Variants in GRM7 observed in about 807,000 individuals in gnomAD.
GRM7 encodes glutamate metabotropic receptor 7.
GRM7 carries 35 observed loss-of-function variants against 84.5 expected under a neutral mutation model. That is an observed-to-expected ratio of 0.41 (90% confidence interval 0.32 to 0.55). GRM7 has a LOEUF of 0.55. Among genes scored for constraint, GRM7 ranks in the 20% least tolerant of loss-of-function variants. GRM7 has a pLI of 0.19. For synonymous variants in GRM7, 487 were observed against 455.1 expected (o/e 1.07, Z -0.89); for missense variants, 1,003 against 1,194.6 (o/e 0.84, Z 2.36).
intron 4 of GRM7, among the ~76,000 whole-genome samples, chr3:7,399,526 G>T (rs186480921): frequency 6.6e-6 from 1 of 152,234 alleles, no homozygotes; most frequent in East Asian, 1.9e-4. Flanking sequence ...TGGGGATAAG[G>T]TAGTACTGCT....
chr3:7,409,663 G>T (rs1291283179), intron 4 of GRM7, among the ~76,000 whole-genome samples: 1 of 151,998 alleles, frequency 6.6e-6, no homozygotes, highest in African/African-American at 2.4e-5. Context: ...TACAGTGGCG[G>T]GATCTTGGCT....
chr3:6,962,555 T>C (rs992183527), intron 1 of GRM7, among the ~76,000 whole-genome samples: 2 of 152,182 alleles, frequency 1.3e-5, no homozygotes, highest in African/African-American at 2.4e-5. Context: ...AGGACAATAA[T>C]GATATGAAAA....
At chr3:7,687,255 C>A (rs1201047280) in intron 9 of GRM7, among the ~76,000 whole-genome samples, 1 of 152,150 alleles carries the variant, frequency 6.6e-6, no homozygotes, top group Non-Finnish European at 1.5e-5. Context: ...GATGTGTGAA[C>A]TGGCCACATG....
intron 2 of GRM7, among the ~76,000 whole-genome samples, chr3:7,293,834 TTACAA>T (rs1236754716): frequency 6.6e-6 from 1 of 152,180 alleles, no homozygotes; most frequent in Non-Finnish European, 1.5e-5. Flanking sequence ...AGTCATCTAC[TTACAA>T]TATAAGTGAA....
intron 7 of GRM7, among the ~76,000 whole-genome samples, chr3:7,557,127 T>C (rs1319362571): frequency 4.6e-5 from 7 of 152,146 alleles, no homozygotes; most frequent in African/African-American, 1.7e-4. Flanking sequence ...TGAAATCTAG[T>C]GGATGTGTGT....
At chr3:7,314,910 C>T (rs913747699) in intron 4 of GRM7, among the ~76,000 whole-genome samples, 15 of 152,110 alleles carry the variant, frequency 9.9e-5, no homozygotes, top group East Asian at 5.8e-4. Flanking sequence ...TTCCACTTTC[C>T]CCTTAGTATA....
chr3:6,892,443 T>A (rs1695998253), intron 1 of GRM7, among the ~76,000 whole-genome samples: 1 of 152,188 alleles, frequency 6.6e-6, no homozygotes, highest in African/African-American at 2.4e-5. Flanking sequence ...TGAAACTTAA[T>A]CAATAACCTT....
chr3:7,389,789 T>A (rs983204790), intron 4 of GRM7, among the ~76,000 whole-genome samples: 82 of 152,134 alleles, frequency 5.4e-4, no homozygotes, highest in African/African-American at 1.8e-3. Flanking sequence ...ATCTTGTTTT[T>A]TTTTTAATCC....
chr3:7,618,658 T>C (rs1252244238), intron 8 of GRM7, among the ~76,000 whole-genome samples: 1 of 152,148 alleles, frequency 6.6e-6, no homozygotes, highest in Non-Finnish European at 1.5e-5. Flanking sequence ...AAGTCTCTTT[T>C]CACTGTAACC....
chr3:7,236,031 G>T (rs1697336587), intron 2 of GRM7, among the ~76,000 whole-genome samples: 1 of 152,156 alleles, frequency 6.6e-6, no homozygotes, highest in Non-Finnish European at 1.5e-5. Context: ...GGTGGGAGTT[G>T]CTATCTGCTT....
chr3:6,909,696 C>CA (rs201193565), intron 1 of GRM7, among the ~76,000 whole-genome samples: 4,002 of 152,108 alleles, frequency 0.026, 77 homozygotes, highest in Non-Finnish European at 0.037. Context: ...GTAATTACCC[C>CA]AGTCTATCAT....
intron 4 of GRM7, among the ~76,000 whole-genome samples, chr3:7,401,424 A>G (rs1183644392): frequency 6.6e-6 from 1 of 152,140 alleles, no homozygotes; most frequent in Non-Finnish European, 1.5e-5. Flanking sequence ...TAATGTTGCC[A>G]TATGGCTTGA....
intron 5 of GRM7, among the ~76,000 whole-genome samples, chr3:7,441,094 C>G (rs1697267384): frequency 6.6e-6 from 1 of 152,178 alleles, no homozygotes; most frequent in African/African-American, 2.4e-5. Flanking sequence ...AGTGGCTGAA[C>G]TAGTTTACAT....
At chr3:7,074,973 A>G (rs1698011903) in intron 1 of GRM7, among the ~76,000 whole-genome samples, 1 of 152,210 alleles carries the variant, frequency 6.6e-6, no homozygotes, top group South Asian at 2.1e-4. Flanking sequence ...ATCTCACTTC[A>G]GTGATCATTT....
At chr3:7,268,490 T>A (rs1343867766) in intron 2 of GRM7, among the ~76,000 whole-genome samples, 1 of 152,070 alleles carries the variant, frequency 6.6e-6, no homozygotes, top group Non-Finnish European at 1.5e-5. Context: ...TCAGGAATAT[T>A]GAAATAAACT....
In GRM7 at chr3:7,397,262, C is replaced by G. The variant is rs374558592; in HGVS notation, c.1034-17761C>G. Among the ~76,000 whole-genome samples the G allele has an allele frequency of 6.6e-5, 10 of 152,142 alleles. No homozygotes were observed. The East Asian group carries it at 1.2e-3, about 18-fold the overall frequency. Reference sequence around the variant, plus strand: ...CAGACATCTTAATACTCATACACAACTTAAGGAACAGTGTGTCATACAATT... The same window carrying G: ...CAGACATCTTAATACTCATACACAAGTTAAGGAACAGTGTGTCATACAATT... On this transcript the variant is annotated intron_variant, in intron 4 of 9. Transcript: ENST00000357716.
chr3:7,444,873 G>A (rs549046194), intron 5 of GRM7, among the ~76,000 whole-genome samples: 9 of 152,188 alleles, frequency 5.9e-5, no homozygotes, highest in Non-Finnish European at 8.8e-5. Context: ...TGGCTAGACA[G>A]TTTTTCTCCT....
At chr3:7,211,508 T>C (rs1320787881) in intron 2 of GRM7, among the ~76,000 whole-genome samples, 1 of 152,030 alleles carries the variant, frequency 6.6e-6, no homozygotes, top group Non-Finnish European at 1.5e-5. Context: ...CTTGCTCTGG[T>C]TTTTACCAGG....
chr3:7,182,860 A>G (rs975647958), intron 2 of GRM7, among the ~76,000 whole-genome samples: 52 of 145,570 alleles, frequency 3.6e-4, no homozygotes, highest in African/African-American at 1.0e-3. Context: ...TTTTCTTGTG[A>G]CCTTGTGTGC....
Sources: gnomAD v4.1 joint callset for allele counts (sites outside exome capture counted in the v4.1 genomes callset) on GRCh38, gnomAD v4.1.1 for gene constraint, MANE v1.5 for transcripts, NCBI Gene and HGNC (gene_info 2026-07-23, HGNC 2026-07-21) for gene names.